TTC13: variants seen among roughly 807,000 people sequenced by gnomAD.
The protein encoded by TTC13 is tetratricopeptide repeat protein 13.
Under a neutral mutation model 120.0 loss-of-function variants are expected in TTC13, and 62 were observed. That is an observed-to-expected ratio of 0.52 (90% CI 0.42 to 0.64). TTC13 has a LOEUF of 0.64. TTC13 is among the 30% of genes least tolerant of loss of function. TTC13 has a pLI of 0.00. For synonymous variants in TTC13, 384 were observed against 393.5 expected (o/e 0.98, Z 0.28); for missense variants, 824 against 1,050.2 (o/e 0.78, Z 2.98).
At chr1:230,968,852 G>A (rs576335581) in intron 1 of TTC13, among the ~76,000 whole-genome samples, 5 of 152,330 alleles carry the variant, frequency 3.3e-5, no homozygotes, top group South Asian at 2.1e-4. Context: ...AAGTGATTAC[G>A]CTGGAAGCTC....
rs899774544 is a variant in TTC13, at chr1:230,961,366, A to G, written c.272-63T>C. 5.3e-5 allele frequency: 65 copies of G among 1,233,180 alleles called. 1 individual carries two copies. Among genetic ancestry groups the G allele is most frequent in the Non-Finnish European group, 5.5e-5 (47 of 860,746 alleles). The allele number at this position is 1,233,180 out of a possible 1,614,324, so 76.4% of individuals were successfully genotyped here. A position where few individuals can be genotyped will look rare whatever the true frequency, so the allele number is the denominator to read the frequency against. On this transcript the variant is annotated intron_variant, in intron 1 of 22. Coordinates refer to ENST00000366661, the MANE Select transcript of TTC13 (RefSeq NM_024525.5). ...AATTTATGCTCTTAGGTGCTTAACT[A>G]TGAATTAGAATTTTTAGACTCCACA...
intron 1 of TTC13, among the ~76,000 whole-genome samples, chr1:230,965,874 C>T (rs1269497109): frequency 3.9e-5 from 6 of 152,292 alleles, no homozygotes; most frequent in Non-Finnish European, 7.3e-5. Flanking sequence ...TGGTCTCGAA[C>T]ACCTGGGCTC....
intron 20 of TTC13, among the ~76,000 whole-genome samples, chr1:230,910,782 A>T (rs181635298): frequency 3.3e-5 from 5 of 152,384 alleles, no homozygotes; most frequent in African/African-American, 1.2e-4. Context: ...CTTAAATTCT[A>T]TAACCAAATT....
chr1:230,958,321 C>A lies in TTC13; in HGVS notation c.367-22G>T, dbSNP rs777041820. 191 of 1,290,322 alleles carry A rather than the reference C, an allele frequency of 1.5e-4. 1 individual carries two copies. Among genetic ancestry groups the A allele is most frequent in the South Asian group, 8.5e-4 (66 of 77,600 alleles). The allele number at this position is 1,290,322 out of a possible 1,614,324, so 79.9% of individuals were successfully genotyped here. A position where few individuals can be genotyped will look rare whatever the true frequency, so the allele number is the denominator to read the frequency against. The stretch of plus-strand genomic sequence containing the variant: ...GGCTCTGGGAAAAAAAAAAAAAAAA[C>A]CCATACATTTTAGCTATCACAAATG... On this transcript the variant is annotated intron_variant, in intron 2 of 22. Coordinates refer to ENST00000366661, the MANE Select transcript of TTC13 (RefSeq NM_024525.5).
intron 2 of TTC13, 84 bp from the exon 3 acceptor site, chr1:230,958,383 T>A: frequency 6.9e-7 from 1 of 1,459,572 alleles, no homozygotes; most frequent in African/African-American, 1.4e-5. Context: ...TTTTAAAAAA[T>A]TAAAATTAAG....
chr1:230,931,700 A>C (rs1444290134), intron 10 of TTC13, 36 bp downstream of exon 10: 1 of 1,608,302 alleles, frequency 6.2e-7, no homozygotes, highest in Admixed American at 1.7e-5. Context: ...TAATCCAGTA[A>C]TTCCAATTAC....
intron 1 of TTC13, among the ~76,000 whole-genome samples, chr1:230,970,583 G>C (rs940584977): frequency 6.6e-6 from 1 of 152,232 alleles, no homozygotes; most frequent in African/African-American, 2.4e-5. Flanking sequence ...CAGGCCAGTA[G>C]CTGGGGTGGT....
intron 8 of TTC13, among the ~76,000 whole-genome samples, chr1:230,934,346 A>G (rs924235164): frequency 6.6e-6 from 1 of 152,202 alleles, no homozygotes; most frequent in African/African-American, 2.4e-5. Context: ...AAAGGCTCCT[A>G]GATTCACCAT....
intron 4 of TTC13, among the ~76,000 whole-genome samples, chr1:230,951,394 C>G (rs1675564455): frequency 6.6e-6 from 1 of 151,840 alleles, no homozygotes; most frequent in South Asian, 2.1e-4. Context: ...AAAAAGATTG[C>G]CAAGAGTTAA....
At chr1:230,941,751 A>C (rs1674550927) in intron 6 of TTC13, among the ~76,000 whole-genome samples, 1 of 152,214 alleles carries the variant, frequency 6.6e-6, no homozygotes, top group Admixed American at 6.5e-5. Context: ...AATTGAATAT[A>C]TGTCTGAGAA....
chr1:230,907,816 G>T (rs928803147), intron 22 of TTC13, among the ~76,000 whole-genome samples: 1 of 152,166 alleles, frequency 6.6e-6, no homozygotes, highest in Non-Finnish European at 1.5e-5. Context: ...AGGAGAAGGG[G>T]CAAAAATAAC....
At chr1:230,927,110 T>A (rs929046764) in intron 12 of TTC13, among the ~76,000 whole-genome samples, 1 of 152,214 alleles carries the variant, frequency 6.6e-6, no homozygotes, top group Non-Finnish European at 1.5e-5. Flanking sequence ...ATTGTGTGAC[T>A]GTATCACATT....
Position 230,906,991 on chromosome 1 carries a change from A to G in TTC13, c.2497T>C (p.Ser833Pro), listed in dbSNP as rs971671787. The G allele has an allele frequency of 2.6e-6, 4 of 1,532,890 alleles. No individual in the cohort carries two copies. The highest frequency in any genetic ancestry group is 3.5e-6 in the Non-Finnish European group (4 of 1,146,880). 95.0% of individuals were successfully genotyped at this position (1,532,890 alleles called of 1,614,324 possible). Reference protein sequence around the residue: ...SISPSYKTLPSVSETFPTLRS... With the variant: ...SISPSYKTLPPVSETFPTLRS... ...AACGTTGGAAACGTTTCTGATACTG[A>G]TGGAAGAGTCTTATAAGAAGGTGAA... is the stretch of plus-strand genomic sequence containing the variant. The change falls in exon 23 of 23, where the codon TCA (serine) becomes CCA (proline). Residue 833 changes from serine (S) to proline (P), a missense_variant. Around this residue, in one of 4 missense-constraint regions of TTC13, gnomAD observed 226 missense variants for 259.1 expected, o/e 0.87. Transcript: ENST00000366661.
rs1674780321 is a variant in TTC13, at chr1:230,944,253, A to T, written c.580-355T>A. 6.6e-6 allele frequency among the ~76,000 whole-genome samples: 1 copy of T among 152,240 alleles called. No individual in the cohort carries two copies. ...CATGAAATGAGGCTGACCTGTGGCAACAGGGGAACAGAAATGGGTCAAGAC... is the reference window on the plus strand; with the variant it reads ...CATGAAATGAGGCTGACCTGTGGCATCAGGGGAACAGAAATGGGTCAAGAC... On this transcript the variant is annotated intron_variant, in intron 5 of 22. Coordinates refer to ENST00000366661, the MANE Select transcript of TTC13 (RefSeq NM_024525.5). This position sits in a 1 kb window ranked among gnomAD's most constrained non-coding sequence, Gnocchi z 4.0.
In TTC13 at chr1:230,942,227, G is replaced by A. The variant is rs2102882590; in HGVS notation, c.672+1579C>T. ...TTACCAGATTTTAACATAAACCAGA[G>A]TAATATAGGGGAAAAAACATCAGTC... On this transcript the variant is annotated intron_variant, in intron 6 of 22. Coordinates refer to ENST00000366661, the MANE Select transcript of TTC13 (RefSeq NM_024525.5). The surrounding 1 kb of genome is among the most constrained non-coding windows in gnomAD (Gnocchi z 4.0). Among the ~76,000 whole-genome samples, 1 of 152,172 alleles carries A rather than the reference G, an allele frequency of 6.6e-6. No individual in the cohort carries two copies. Among genetic ancestry groups the A allele is most frequent in the Non-Finnish European group, 1.5e-5 (1 of 67,994 alleles).
In TTC13 at chr1:230,944,162, T is replaced by C. The variant is rs1205190662; in HGVS notation, c.580-264A>G. On this transcript the variant is annotated intron_variant, in intron 5 of 22. Transcript: ENST00000366661. This position sits in a 1 kb window ranked among gnomAD's most constrained non-coding sequence, Gnocchi z 4.0. The stretch of plus-strand genomic sequence containing the variant: ...AAATTCCACAGATGGCAGGATATTA[T>C]CTAAACTTAATCTACTTAAACATGG... Among the ~76,000 whole-genome samples the C allele has an allele frequency of 9.9e-5, 15 of 152,168 alleles. No homozygotes were observed. The highest frequency in any genetic ancestry group is 2.2e-4 in the Non-Finnish European group (15 of 68,036).
intron 8 of TTC13, among the ~76,000 whole-genome samples, chr1:230,935,819 G>A (rs1475889081): frequency 6.6e-6 from 1 of 152,196 alleles, no homozygotes; most frequent in African/African-American, 2.4e-5. Flanking sequence ...GCAGTAGTTG[G>A]AGCAAGAGAT....
intron 5 of TTC13, 141 bp downstream of exon 5, chr1:230,945,248 C>A: frequency 1.3e-6 from 1 of 781,462 alleles, no homozygotes; most frequent in Non-Finnish European, 2.2e-6. Flanking sequence ...TACTAGCTGC[C>A]ATTTTCTCAT....
At chr1:230,924,790 T>G in intron 14 of TTC13, 51 bp downstream of exon 14, 1 of 1,607,956 alleles carries the variant, frequency 6.2e-7, no homozygotes, top group Non-Finnish European at 8.5e-7. Flanking sequence ...AGACTGACGT[T>G]ATTTGACAAT....
Sources: allele counts gnomAD v4.1 joint callset (sites outside exome capture counted in the v4.1 genomes callset), GRCh38; gene constraint gnomAD v4.1.1; regional missense constraint gnomAD v4.1.1; non-coding constraint Gnocchi (gnomAD v3.1); transcripts MANE v1.5; gene names NCBI Gene and HGNC (gene_info 2026-07-23, HGNC 2026-07-21).